Variants in UNC13C observed in about 807,000 individuals in gnomAD.
UNC13C encodes protein unc-13 homolog C.
In UNC13C, 174 loss-of-function variants were observed where a neutral mutation model predicts 245.4. The observed-to-expected ratio is 0.71, with a 90% CI of 0.63 to 0.80. UNC13C has a LOEUF of 0.80. Ranked by LOEUF, UNC13C falls within the 30% of genes least tolerant of loss-of-function variation. The probability of loss-of-function intolerance (pLI) is 0.00; values close to 1 mark genes in which losing one functional copy is unlikely to be tolerated. For synonymous variants in UNC13C, 992 were observed against 895.1 expected (o/e 1.11, Z -1.93); for missense variants, 2,829 against 2,602.9 (o/e 1.09, Z -1.89).
At chr15:53,913,439 A>T in the UNC13C span, 1 of 152,266 alleles carries the variant, frequency 6.6e-6, no homozygotes, top group Non-Finnish European at 1.5e-5. Context: ...AGTTAGTAAT[A>T]ATAGGATGGG....
At chr15:54,091,992 C>T (rs1347034906) in intron 2 of UNC13C, among the ~76,000 whole-genome samples, 1 of 152,158 alleles carries the variant, frequency 6.6e-6, no homozygotes, top group East Asian at 1.9e-4. Context: ...TCAATATTTA[C>T]TTGTATTGGA....
chr15:54,391,544 T>C (rs1232679092), intron 17 of UNC13C, among the ~76,000 whole-genome samples: 1 of 152,090 alleles, frequency 6.6e-6, no homozygotes, highest in Non-Finnish European at 1.5e-5. Flanking sequence ...AAGAAGAAGC[T>C]TGCCAAGAAC....
At chr15:54,456,289 C>T (rs1891521054) in intron 19 of UNC13C, among the ~76,000 whole-genome samples, 1 of 152,062 alleles carries the variant, frequency 6.6e-6, no homozygotes, top group African/African-American at 2.4e-5. Flanking sequence ...TAATGTGGTG[C>T]TTCCAGATTT....
intron 2 of UNC13C, among the ~76,000 whole-genome samples, chr15:54,068,820 C>T (rs1282431513): frequency 1.3e-5 from 2 of 152,128 alleles, no homozygotes; most frequent in African/African-American, 4.8e-5. Flanking sequence ...CCTCTTAACA[C>T]TTTTGATCCT....
At chr15:54,337,259 T>C (rs1020651254) in intron 16 of UNC13C, among the ~76,000 whole-genome samples, 3 of 152,198 alleles carry the variant, frequency 2.0e-5, no homozygotes, top group African/African-American at 7.2e-5. Context: ...ACCTCTTCTC[T>C]TCACTATCCA....
intron 10 of UNC13C, among the ~76,000 whole-genome samples, chr15:54,271,176 G>C (rs555747032): frequency 2.0e-5 from 3 of 152,278 alleles, no homozygotes; most frequent in Admixed American, 6.5e-5. Flanking sequence ...GGAGAGAACA[G>C]AGGCATAACC....
At chr15:54,304,600 A>G (rs1441295737) in intron 13 of UNC13C, among the ~76,000 whole-genome samples, 1 of 149,434 alleles carries the variant, frequency 6.7e-6, no homozygotes, top group Non-Finnish European at 1.5e-5. Flanking sequence ...TAGAGCATTT[A>G]CTTTAGAAAA....
chr15:54,287,787 G>C (rs2037187367), intron 10 of UNC13C, among the ~76,000 whole-genome samples: 2 of 152,146 alleles, frequency 1.3e-5, no homozygotes, highest in South Asian at 4.1e-4. Flanking sequence ...TTGAAAGATT[G>C]TTGTATGAGT....
chr15:54,098,536 A>G (rs543163975), intron 2 of UNC13C, among the ~76,000 whole-genome samples: 28 of 152,222 alleles, frequency 1.8e-4, no homozygotes, highest in African/African-American at 6.5e-4. Context: ...CCAGATTCCC[A>G]ATCCACTTTT....
chr15:54,251,478 T>A (rs2036151615), intron 8 of UNC13C, among the ~76,000 whole-genome samples: 1 of 152,230 alleles, frequency 6.6e-6, no homozygotes, highest in Non-Finnish European at 1.5e-5. Flanking sequence ...CCTTTCACAC[T>A]CTTGAATGAG....
At chr15:54,379,121 T>C (rs1456801565) in intron 17 of UNC13C, among the ~76,000 whole-genome samples, 2 of 152,136 alleles carry the variant, frequency 1.3e-5, no homozygotes, top group Non-Finnish European at 2.9e-5. Context: ...CTCAGTTTTT[T>C]TGTTTTCAGT....
At chr15:53,856,270 G>C in the UNC13C span, among the ~76,000 whole-genome samples, 1 of 151,170 alleles carries the variant, frequency 6.6e-6, no homozygotes, top group Non-Finnish European at 1.5e-5. Flanking sequence ...GAATTTTTTT[G>C]TATCTCTATC....
chr15:53,885,964 T>A, the UNC13C span, among the ~76,000 whole-genome samples: 1 of 152,142 alleles, frequency 6.6e-6, no homozygotes, highest in Non-Finnish European at 1.5e-5. Context: ...TGATCAATTA[T>A]GTGAATGAAT....
At chr15:54,579,451 T>A (rs1023701523) in intron 30 of UNC13C, among the ~76,000 whole-genome samples, 2 of 152,122 alleles carry the variant, frequency 1.3e-5, no homozygotes, top group African/African-American at 2.4e-5. Context: ...TGAGCTGGAA[T>A]AAACAGCCCA....
chr15:53,946,672 GGTT>G, the UNC13C span, among the ~76,000 whole-genome samples: 2 of 122,932 alleles, frequency 1.6e-5, no homozygotes, highest in Admixed American at 1.8e-4. Context: ...AGTGAGCTGA[GGTT>G]TTTTTTTTTT....
chr15:54,111,999 C>T (rs1900801672), intron 2 of UNC13C, among the ~76,000 whole-genome samples: 1 of 152,198 alleles, frequency 6.6e-6, no homozygotes, highest in African/African-American at 2.4e-5. Context: ...GCCATTACCA[C>T]TTGGCCTTCC....
chr15:54,136,517 T>A (rs1366549374), intron 2 of UNC13C, among the ~76,000 whole-genome samples: 1 of 152,102 alleles, frequency 6.6e-6, no homozygotes, highest in African/African-American at 2.4e-5. Context: ...TTCATTTTTT[T>A]ATTTAGATGC....
intron 19 of UNC13C, among the ~76,000 whole-genome samples, chr15:54,419,986 A>AT (rs2040604477): frequency 1.3e-5 from 2 of 151,976 alleles, no homozygotes; most frequent in Admixed American, 6.6e-5. Flanking sequence ...CTCTTACAAC[A>AT]TACCCCCTTT....
the UNC13C span, among the ~76,000 whole-genome samples, chr15:53,908,783 A>G: frequency 7.0e-6 from 1 of 142,850 alleles, no homozygotes; most frequent in African/African-American, 2.5e-5. Flanking sequence ...GTATCTAAAT[A>G]TTTGGTTTTA....
Sources: gnomAD v4.1 joint callset for allele counts (sites outside exome capture counted in the v4.1 genomes callset) on GRCh38, gnomAD v4.1.1 for gene constraint, MANE v1.5 for transcripts, NCBI Gene and HGNC (gene_info 2026-07-23, HGNC 2026-07-21) for gene names.